CDH23: variants seen among roughly 807,000 people sequenced by gnomAD.
The protein encoded by CDH23 is cadherin related 23.
CDH23 carries 189 observed loss-of-function variants against 317.1 expected under a neutral mutation model. That is an observed-to-expected ratio of 0.60 (90% CI 0.53 to 0.67). The LOEUF (loss-of-function observed/expected upper bound fraction) is 0.67. Ranked by LOEUF, CDH23 falls within the 30% of genes least tolerant of loss-of-function variation. CDH23 has a pLI of 0.00. For missense variants in CDH23, 4,401 were observed against 4,592.4 expected, an observed-to-expected ratio of 0.96 and a Z score of 1.20; for synonymous variants, 1,839 against 1,876.8, an observed-to-expected ratio of 0.98 and a Z score of 0.52.
chr10:71,742,040 T>TCCTTTAGTCCATCTG (rs540531133), intron 38 of CDH23, 119 bp downstream of exon 38: 4 of 830,570 alleles, frequency 4.8e-6, no homozygotes, highest in Non-Finnish European at 7.5e-6. Flanking sequence ...CCTTGACAAC[T>TCCTTTAGTCCATCTG]CCTTTAGTCC....
At chr10:71,590,884 AAACAAAAAAAAAC>A (rs1859436816) in intron 9 of CDH23, among the ~76,000 whole-genome samples, 1 of 71,544 alleles carries the variant, frequency 1.4e-5, no homozygotes, top group African/African-American at 6.3e-5. Context: ...AAAAAAAAAA[AAACAAAAAAAAAC>A]AAAAAAAAAC....
At chr10:71,709,306 C>A in intron 27 of CDH23, 95 bp downstream of exon 27, 1 of 1,094,110 alleles carries the variant, frequency 9.1e-7, no homozygotes, top group Non-Finnish European at 1.3e-6. Flanking sequence ...AGGCTGAACT[C>A]TGCCCAGATG....
intron 30 of CDH23, among the ~76,000 whole-genome samples, chr10:71,726,653 A>G (rs951827563): frequency 3.9e-5 from 6 of 152,256 alleles, no homozygotes; most frequent in Non-Finnish European, 5.9e-5. Flanking sequence ...GCACATAGCC[A>G]TGCTGGCTTG....
chr10:71,646,506 G>A lies in CDH23; in HGVS notation c.1338G>A (p.Val446=), dbSNP rs201686574. The A allele has an allele frequency of 1.2e-6, 2 of 1,613,940 alleles. No individual in the cohort carries two copies. The highest frequency in any genetic ancestry group is 4.5e-5 in the East Asian group (2 of 44,870). ...CTGACCATGTGGGCTATGCCAAGGT[G>A]AAGATCACTCTCATCAATGAAAATG... ...SVPDHVGYAK[V]KITLINENDN... is the part of the protein sequence containing the mutation. Residue 446 remains valine, a synonymous_variant, in exon 14 of 70, where the codon GTG becomes GTA. Coordinates refer to ENST00000224721, the MANE Select transcript of CDH23 (RefSeq NM_022124.6).
chr10:71,431,503 G>T (rs1043973007), intron 1 of CDH23, among the ~76,000 whole-genome samples: 1 of 152,242 alleles, frequency 6.6e-6, no homozygotes, highest in Non-Finnish European at 1.5e-5. Context: ...AGCCCTAATG[G>T]TGTCATCTGC....
chr10:71,799,581 G>A lies in CDH23; in HGVS notation c.7314G>A (p.Glu2438=), dbSNP rs778361067. 5 of 1,613,960 alleles carry A rather than the reference G, an allele frequency of 3.1e-6. No individual in the cohort carries two copies. The highest frequency in any genetic ancestry group is 4.2e-6 in the Non-Finnish European group (5 of 1,179,910). The part of the protein sequence containing the change: ...DADSGNFALI[E]YSLGDGESKF... ...ACTCAGGCAACTTTGCACTCATTGAGTACAGCCTTGGAGATGGAGAGAGCA... is the reference window on the plus strand; with the variant it reads ...ACTCAGGCAACTTTGCACTCATTGAATACAGCCTTGGAGATGGAGAGAGCA... Residue 2438 remains glutamate (E), a synonymous_variant, in exon 52 of 70, where the codon GAG becomes GAA. Transcript: ENST00000224721.
rs369180032 is a variant in CDH23, at chr10:71,704,928, C to G, written c.2751C>G (p.Leu917=). 2.8e-5 allele frequency: 45 copies of G among 1,612,746 alleles called. No individual in the cohort carries two copies. In the African/African-American group the frequency reaches 5.5e-4, roughly 20 times the overall value. ...VSIYQVVAID[L]DEGLNGLVSY... is the part of the protein sequence containing the mutation. ...GCCCTCAGGTGGTGGCCATCGACCT[C>G]GATGAGGGCCTGAACGGCCTGGTGT... Residue 917 remains leucine, a synonymous_variant, in exon 25 of 70, where the codon CTC becomes CTG. Transcript: ENST00000224721.
rs1866255774 is a variant in CDH23, at chr10:71,716,603, A to G, written c.3369+3790A>G. 4 of 395,292 alleles carry G rather than the reference A, an allele frequency of 1.0e-5. No individual in the cohort carries two copies. In the Admixed American group the frequency reaches 1.6e-4, roughly 16 times the overall value. 24.5% of individuals were successfully genotyped at this position (395,292 alleles called of 1,614,324 possible). The stretch of plus-strand genomic sequence containing the variant: ...CCTGTGCCCATCTGCCATGCAGACA[A>G]GAGGGCGGTGGCCTGTCCGCATTTT... On this transcript the variant is annotated intron_variant, in intron 28 of 69. Transcript: ENST00000224721.
At chr10:71,464,012 T>C (rs1031567446) in intron 3 of CDH23, among the ~76,000 whole-genome samples, 1 of 152,200 alleles carries the variant, frequency 6.6e-6, no homozygotes, top group Non-Finnish European at 1.5e-5. Context: ...TATGACAACC[T>C]GTGAGGAAAG....
chr10:71,762,153 C>A, intron 38 of CDH23: 4 of 1,093,632 alleles, frequency 3.7e-6, no homozygotes, highest in Non-Finnish European at 2.5e-6. Flanking sequence ...CAGCTGACCT[C>A]CCTAAGACTG....
At position 71,778,318 on chromosome 10, in the gene CDH23, T is replaced by A. The variant is rs1237085801; in HGVS notation, c.5187+10T>A. 1 of 1,613,732 alleles carries A rather than the reference T, an allele frequency of 6.2e-7. No homozygotes were observed. Among genetic ancestry groups the A allele is most frequent in the Admixed American group, 1.7e-5 (1 of 59,968 alleles). ...CACCTCTACCACCACGGTGGGTGCA[T>A]GGGACACAGCCCCAACTTGGGCTTG... On this transcript the variant is annotated intron_variant, in intron 40 of 69. Transcript: ENST00000224721.
At chr10:71,677,965 C>G (rs543614290) in intron 16 of CDH23, among the ~76,000 whole-genome samples, 1 of 152,242 alleles carries the variant, frequency 6.6e-6, no homozygotes, top group Admixed American at 6.5e-5. Flanking sequence ...CTAGGGAACC[C>G]ACTGCAAGAG....
chr10:71,779,162 C>T (rs1427533500), intron 40 of CDH23, 105 bp from the exon 41 acceptor site: 5 of 1,044,138 alleles, frequency 4.8e-6, no homozygotes, highest in Non-Finnish European at 7.4e-6. Flanking sequence ...CCTGCATGGG[C>T]CTCATGAGGC....
chr10:71,664,031 T>C (rs1045399170), intron 14 of CDH23, among the ~76,000 whole-genome samples: 1 of 149,676 alleles, frequency 6.7e-6, no homozygotes, highest in African/African-American at 2.5e-5. Flanking sequence ...ACGGACTGGT[T>C]GCATGAAGTG....
chr10:71,613,236 C>T (rs1351571718), intron 9 of CDH23, among the ~76,000 whole-genome samples: 1 of 152,202 alleles, frequency 6.6e-6, no homozygotes, highest in Admixed American at 6.5e-5. Context: ...CAGCAAAATT[C>T]CCAGCTAAAG....
chr10:71,457,862 C>T (rs1850773006), intron 3 of CDH23, among the ~76,000 whole-genome samples: 1 of 152,218 alleles, frequency 6.6e-6, no homozygotes, highest in Admixed American at 6.5e-5. Context: ...GCTCCTGGGT[C>T]CACAGCCTTT....
chr10:71,514,449 C>T (rs1042133072), intron 6 of CDH23, among the ~76,000 whole-genome samples: 2 of 152,132 alleles, frequency 1.3e-5, no homozygotes, highest in Non-Finnish European at 2.9e-5. Flanking sequence ...GGAGACATGA[C>T]CCACCTGGAC....
At chr10:71,578,013 T>A (rs373626924) in intron 9 of CDH23, 21 bp downstream of exon 9, 63 of 1,572,932 alleles carry the variant, frequency 4.0e-5, no homozygotes, top group Non-Finnish European at 5.2e-5. Context: ...AGGCTGCCCC[T>A]CTCTCCTCTC....
chr10:71,500,759 GTTTTCTTTTC>G (rs56124966), intron 3 of CDH23, among the ~76,000 whole-genome samples: 15,324 of 134,458 alleles, frequency 0.11, 866 homozygotes, highest in African/African-American at 0.13. Context: ...CTCTGAGCCT[GTTTTCTTTTC>G]TTTTCTTTTC....
Sources: allele counts gnomAD v4.1 joint callset (sites outside exome capture counted in the v4.1 genomes callset), GRCh38; gene constraint gnomAD v4.1.1; transcripts MANE v1.5; gene names NCBI Gene and HGNC (gene_info 2026-07-23, HGNC 2026-07-21).